The following FER variants were observed in gnomAD, a reference collection of about 807,000 sequenced individuals.
FER encodes the protein tyrosine-protein kinase Fer.
A neutral mutation model predicts 111.0 loss-of-function variants in FER; 63 were observed. The observed-to-expected ratio is 0.57, with a 90% CI of 0.46 to 0.70. The LOEUF (loss-of-function observed/expected upper bound fraction) is 0.70, where lower values mean the gene tolerates loss of function less well. Among genes scored for constraint, FER ranks in the 30% least tolerant of loss-of-function variants. FER has a pLI of 0.00. For synonymous variants in FER, 327 were observed against 313.9 expected, an observed-to-expected ratio of 1.04 and a Z score of -0.44; for missense variants, 914 against 954.0, an observed-to-expected ratio of 0.96 and a Z score of 0.55.
intron 1 of FER, among the ~76,000 whole-genome samples, chr5:108,750,758 A>G (rs577317389): frequency 6.6e-6 from 1 of 152,192 alleles, no homozygotes; most frequent in Non-Finnish European, 1.5e-5. Context: ...TTTCTCAACT[A>G]TTTTACTATG....
intron 13 of FER, among the ~76,000 whole-genome samples, chr5:108,993,363 C>A (rs1186471515): frequency 6.6e-6 from 1 of 152,232 alleles, no homozygotes; most frequent in Non-Finnish European, 1.5e-5. Context: ...ACAGCGAAAC[C>A]CCGTCTCCAC....
intron 13 of FER, among the ~76,000 whole-genome samples, chr5:109,025,992 G>T (rs1363166951): frequency 6.6e-6 from 1 of 152,146 alleles, no homozygotes; most frequent in African/African-American, 2.4e-5. Context: ...TGTTGGCTCT[G>T]AGAGTTTTTT....
intron 17 of FER, among the ~76,000 whole-genome samples, chr5:109,108,276 T>C (rs1235473094): frequency 2.0e-5 from 3 of 152,180 alleles, no homozygotes; most frequent in African/African-American, 7.2e-5. Context: ...AAGAGGAAGA[T>C]TCAGGCCTAT....
intron 17 of FER, among the ~76,000 whole-genome samples, chr5:109,142,785 C>A (rs541742699): frequency 9.9e-5 from 15 of 152,020 alleles, no homozygotes; most frequent in Non-Finnish European, 8.8e-5. Flanking sequence ...CTCTCAGTGA[C>A]AAGTCAGTAT....
intron 13 of FER, among the ~76,000 whole-genome samples, chr5:109,036,653 TCTTTC>T (rs1262764931): frequency 6.6e-6 from 1 of 152,082 alleles, no homozygotes; most frequent in Non-Finnish European, 1.5e-5. Context: ...TTCCTCTCTT[TCTTTC>T]CTTTTTATTC....
At chr5:108,785,258 T>C (rs190685036) in intron 2 of FER, 1 of 563,252 alleles carries the variant, frequency 1.8e-6, no homozygotes, top group Non-Finnish European at 3.3e-6. Context: ...GGCCATGCTG[T>C]GGGATCTCAA....
At chr5:109,054,064 T>TG (rs1773303157) in intron 16 of FER, among the ~76,000 whole-genome samples, 1 of 152,178 alleles carries the variant, frequency 6.6e-6, no homozygotes, top group South Asian at 2.1e-4. Flanking sequence ...ATTTCCAGTT[T>TG]GGGGCTACTC....
chr5:109,021,236 C>T (rs981117360), intron 13 of FER, among the ~76,000 whole-genome samples: 4 of 151,934 alleles, frequency 2.6e-5, no homozygotes, highest in Admixed American at 2.0e-4. Flanking sequence ...TGCTTACTAA[C>T]GGTAGGTCTG....
intron 13 of FER, among the ~76,000 whole-genome samples, chr5:109,035,664 G>A (rs1770283459): frequency 6.6e-6 from 1 of 152,032 alleles, no homozygotes; most frequent in South Asian, 2.1e-4. Context: ...AGAGCAATTT[G>A]AGTCATAGGA....
intron 3 of FER, 81 bp from the exon 4 acceptor site, chr5:108,832,689 T>C (rs1284876874): frequency 1.0e-6 from 1 of 987,742 alleles, no homozygotes; most frequent in African/African-American, 1.7e-5. Flanking sequence ...AAACTAAATA[T>C]TTAAAGTTTT....
chr5:109,037,475 C>G lies in FER; in HGVS notation c.1710C>G (p.Gly570=). ...ATGTCATATTGGGAGAATTACTGGG[C>G]AAGGTATGTAATCAACTGAGCTAAA... ...HEDVILGELL[G]KGNFGEVYKG... is the part of the protein sequence containing the mutation. The change falls in exon 14 of 20, where the codon GGC becomes GGG. Residue 570 remains glycine (G), a synonymous_variant. Coordinates refer to ENST00000281092, the MANE Select transcript of FER (RefSeq NM_005246.4). 6.2e-7 allele frequency: 1 copy of G among 1,611,092 alleles called. No individual in the cohort carries two copies. The highest frequency in any genetic ancestry group is 8.5e-7 in the Non-Finnish European group (1 of 1,177,702).
At chr5:109,120,499 A>G (rs567263453) in intron 17 of FER, among the ~76,000 whole-genome samples, 5 of 152,180 alleles carry the variant, frequency 3.3e-5, no homozygotes, top group South Asian at 2.1e-4. Context: ...TTTGGGTACT[A>G]TAGCTCTGTA....
intron 1 of FER, among the ~76,000 whole-genome samples, chr5:108,759,529 C>A (rs1407643358): frequency 1.3e-5 from 2 of 152,198 alleles, no homozygotes; most frequent in Non-Finnish European, 2.9e-5. Context: ...CCATTTTGTG[C>A]TTCTATAACA....
chr5:109,051,393 T>A, intron 16 of FER: 1 of 1,612,548 alleles, frequency 6.2e-7, no homozygotes, highest in South Asian at 1.1e-5. Context: ...CCACAATGGC[T>A]AGTGGCTGTA....
At chr5:109,023,662 C>A (rs1262958577) in intron 13 of FER, among the ~76,000 whole-genome samples, 2 of 148,264 alleles carry the variant, frequency 1.3e-5, no homozygotes, top group Non-Finnish European at 3.0e-5. Flanking sequence ...TTTTTTGTAA[C>A]TTTTTTTTTT....
At chr5:109,057,640 A>G (rs1177605161) in intron 16 of FER, among the ~76,000 whole-genome samples, 1 of 152,118 alleles carries the variant, frequency 6.6e-6, no homozygotes, top group Non-Finnish European at 1.5e-5. Flanking sequence ...AAAATGGACA[A>G]ATTTCCTTAA....
At chr5:109,140,506 G>A (rs1329624486) in intron 17 of FER, among the ~76,000 whole-genome samples, 1 of 152,166 alleles carries the variant, frequency 6.6e-6, no homozygotes, top group African/African-American at 2.4e-5. Context: ...AAAGACCTAT[G>A]TAGCTAGAAA....
At chr5:108,797,137 T>G (rs1290692035) in intron 2 of FER, among the ~76,000 whole-genome samples, 1 of 152,018 alleles carries the variant, frequency 6.6e-6, no homozygotes, top group Non-Finnish European at 1.5e-5. Flanking sequence ...GGGGTTTTTT[T>G]TGGCCCAGGT....
At chr5:109,054,126 C>G (rs970550003) in intron 16 of FER, among the ~76,000 whole-genome samples, 1 of 152,164 alleles carries the variant, frequency 6.6e-6, no homozygotes, top group Non-Finnish European at 1.5e-5. Context: ...TGGACAAATG[C>G]TTTCATTCTC....
Sources: allele counts gnomAD v4.1 joint callset (sites outside exome capture counted in the v4.1 genomes callset), GRCh38; gene constraint gnomAD v4.1.1; transcripts MANE v1.5; gene names NCBI Gene and HGNC (gene_info 2026-07-23, HGNC 2026-07-21).